CADM2: variants seen among roughly 807,000 people sequenced by gnomAD.
CADM2 encodes the protein immunoglobulin superfamily member 4D.
In CADM2, 12 loss-of-function variants were observed where a neutral mutation model predicts 49.8. That is an observed-to-expected ratio of 0.24 (90% CI 0.15 to 0.39). The LOEUF (loss-of-function observed/expected upper bound fraction) is 0.39. Ranked by LOEUF, CADM2 falls within the 10% of genes least tolerant of loss-of-function variation. The pLI is 1.00. For missense variants in CADM2, 378 were observed against 492.3 expected (o/e 0.77, Z 2.20); for synonymous variants, 214 against 175.4 (o/e 1.22, Z -1.74).
In CADM2 at chr3:85,224,330, G is replaced by A. The variant is rs542657832; in HGVS notation, c.61+264662G>A. Among the ~76,000 whole-genome samples the A allele has an allele frequency of 7.9e-5, 12 of 152,204 alleles. No homozygotes were observed. The South Asian group carries it at 2.3e-3, about 29-fold the overall frequency. ...GATGGTATCTCATTGAGGTTTTGAT[G>A]TGCATTTCTCTAATGAACAGCGATG... On this transcript the variant is annotated intron_variant, in intron 1 of 9. Transcript: ENST00000383699.
At chr3:85,685,578 A>T (rs2066178366) in intron 1 of CADM2, among the ~76,000 whole-genome samples, 3 of 149,194 alleles carry the variant, frequency 2.0e-5, no homozygotes, top group Admixed American at 2.0e-4. Flanking sequence ...ATTTAAATAC[A>T]CTGTACAATT....
intron 1 of CADM2, among the ~76,000 whole-genome samples, chr3:85,198,459 A>T (rs1390900249): frequency 6.6e-6 from 1 of 150,412 alleles, no homozygotes; most frequent in Non-Finnish European, 1.5e-5. Flanking sequence ...CCACGATGTT[A>T]ATAGCATGTT....
intron 1 of CADM2, among the ~76,000 whole-genome samples, chr3:85,173,512 C>T (rs905073735): frequency 4.6e-5 from 7 of 152,092 alleles, no homozygotes; most frequent in Non-Finnish European, 4.4e-5. Flanking sequence ...TCTCTAACAT[C>T]ATTAGGATGT....
At chr3:85,384,155 T>G (rs1009375785) in intron 1 of CADM2, among the ~76,000 whole-genome samples, 3 of 152,324 alleles carry the variant, frequency 2.0e-5, no homozygotes, top group Non-Finnish European at 2.9e-5. Context: ...TGGTATCTTT[T>G]AAATCTGTAC....
chr3:85,843,363 C>A (rs2074725136), intron 3 of CADM2, among the ~76,000 whole-genome samples: 1 of 152,034 alleles, frequency 6.6e-6, no homozygotes, highest in East Asian at 1.9e-4. Flanking sequence ...GTCTTTCTCT[C>A]TCTCTCTTTC....
chr3:85,295,139 C>G (rs1055322685), intron 1 of CADM2, among the ~76,000 whole-genome samples: 7 of 152,202 alleles, frequency 4.6e-5, no homozygotes, highest in Non-Finnish European at 7.3e-5. Context: ...AGGACATGAA[C>G]AGACACTTCT....
At chr3:85,562,654 G>T (rs1251256902) in intron 1 of CADM2, among the ~76,000 whole-genome samples, 2 of 151,938 alleles carry the variant, frequency 1.3e-5, no homozygotes, top group Non-Finnish European at 2.9e-5. Flanking sequence ...AAATATACAT[G>T]CAATCATCTC....
At chr3:86,026,267 A>G (rs890785810) in intron 8 of CADM2, among the ~76,000 whole-genome samples, 2 of 151,988 alleles carry the variant, frequency 1.3e-5, no homozygotes, top group African/African-American at 4.8e-5. Flanking sequence ...AGATGGTACT[A>G]GGGGAGAACT....
At chr3:85,163,536 G>A (rs1257019006) in intron 1 of CADM2, among the ~76,000 whole-genome samples, 2 of 151,940 alleles carry the variant, frequency 1.3e-5, no homozygotes, top group East Asian at 1.9e-4. Context: ...AAACAAAATC[G>A]ACCCTCAGGA....
At chr3:84,979,770 C>T (rs2032054975) in intron 1 of CADM2, among the ~76,000 whole-genome samples, 1 of 151,868 alleles carries the variant, frequency 6.6e-6, no homozygotes. Flanking sequence ...AGGCAGGACT[C>T]CTAGGCTATA....
At chr3:85,442,588 G>GTATATATATATATATA (rs55882841) in intron 1 of CADM2, among the ~76,000 whole-genome samples, 1 of 120,978 alleles carries the variant, frequency 8.3e-6, no homozygotes, top group African/African-American at 4.5e-5. Flanking sequence ...TTATATATGA[G>GTATATATATATATATA]TATATATATA....
intron 1 of CADM2, among the ~76,000 whole-genome samples, chr3:85,105,382 A>G (rs896456308): frequency 7.9e-5 from 12 of 152,220 alleles, no homozygotes; most frequent in African/African-American, 2.9e-4. Context: ...AATGCAAATC[A>G]AAACCACAAT....
chr3:86,066,578 A>G, intron 9 of CADM2, 87 bp from the exon 10 acceptor site: 6 of 1,047,946 alleles, frequency 5.7e-6, no homozygotes, highest in Non-Finnish European at 8.7e-6. Flanking sequence ...AAATCTGGCA[A>G]AAGTTTCTTC....
rs181157138 is a variant in CADM2 at position 86,049,610 on chromosome 3, A to G, written c.971-15995A>G. Among the ~76,000 whole-genome samples the G allele has an allele frequency of 2.7e-3, 404 of 152,208 alleles. 1 individual carries two copies. Among genetic ancestry groups the G allele is most frequent in the African/African-American group, 9.5e-3 (394 of 41,534 alleles). ...AGAGGTTTAGTTGGCTCACAGTTCC[A>G]TGGGCTGTACGAGAAATGCGATGCT... is the stretch of plus-strand genomic sequence containing the variant. On this transcript the variant is annotated intron_variant, in intron 8 of 9. Coordinates refer to ENST00000383699, the MANE Select transcript of CADM2 (RefSeq NM_001167675.2).
At chr3:85,582,823 G>C (rs2062834584) in intron 1 of CADM2, among the ~76,000 whole-genome samples, 1 of 152,134 alleles carries the variant, frequency 6.6e-6, no homozygotes. Context: ...CAAATGCTAG[G>C]AATCTAATAG....
rs57418964 is a variant in CADM2 at position 85,701,971 on chromosome 3, C to CATAGATAG, written c.62-24510_62-24503dup. On this transcript the variant is annotated intron_variant, in intron 1 of 9. Transcript: ENST00000383699. ...ATAAAGATAGATGTAGATAGATAGA[C>CATAGATAG]ATAGATAGATAGATAGATAGATAGA... Among the ~76,000 whole-genome samples the CATAGATAG allele has an allele frequency of 2.1e-3, 283 of 134,316 alleles. 2 individuals are homozygous for CATAGATAG. Among genetic ancestry groups the CATAGATAG allele is most frequent in the Admixed American group, 3.0e-3 (43 of 14,198 alleles). 88.1% of individuals were successfully genotyped at this position (134,316 alleles called of 152,430 possible).
chr3:86,012,868 G>A, intron 8 of CADM2: 1 of 544,870 alleles, frequency 1.8e-6, no homozygotes. Context: ...CCAGCTACTC[G>A]GGAGGCTGAG....
At chr3:85,174,943 C>CT (rs950611953) in intron 1 of CADM2, among the ~76,000 whole-genome samples, 3 of 151,878 alleles carry the variant, frequency 2.0e-5, no homozygotes, top group Non-Finnish European at 4.4e-5. Context: ...AACAAGCAAA[C>CT]TTTTTTTTAG....
At chr3:85,504,933 A>C (rs1043543950) in intron 1 of CADM2, among the ~76,000 whole-genome samples, 1 of 152,106 alleles carries the variant, frequency 6.6e-6, no homozygotes, top group African/African-American at 2.4e-5. Flanking sequence ...TAAGCCCCTC[A>C]TTGCCCGGGG....
Sources: gnomAD v4.1 joint callset for allele counts (sites outside exome capture counted in the v4.1 genomes callset) on GRCh38, gnomAD v4.1.1 for gene constraint, MANE v1.5 for transcripts, NCBI Gene and HGNC (gene_info 2026-07-23, HGNC 2026-07-21) for gene names.